The following PCCA variants were observed in gnomAD, a reference collection of about 807,000 sequenced individuals.
PCCA encodes the protein propionyl-CoA carboxylase subunit alpha, also known as propionyl-CoA carboxylase alpha chain, mitochondrial.
In PCCA, 74 loss-of-function variants were observed where a neutral mutation model predicts 101.3. The observed-to-expected ratio is 0.73, with a 90% confidence interval of 0.61 to 0.89. PCCA has a LOEUF of 0.89. PCCA is among the 40% of genes least tolerant of loss of function. PCCA has a pLI of 0.00. For missense variants in PCCA, 891 were observed against 907.0 expected (o/e 0.98, Z 0.23); for synonymous variants, 294 against 313.6 (o/e 0.94, Z 0.66).
chr13:100,293,140 T>C (rs553319414), intron 12 of PCCA: 22 of 448,090 alleles, frequency 4.9e-5, no homozygotes, highest in African/African-American at 4.5e-4. Flanking sequence ...GTCAGTCAGC[T>C]GTCCATATCT....
At chr13:100,462,589 G>A (rs1213965961) in intron 21 of PCCA, among the ~76,000 whole-genome samples, 1 of 152,166 alleles carries the variant, frequency 6.6e-6, no homozygotes, top group African/African-American at 2.4e-5. Flanking sequence ...ACAGTCCATA[G>A]GGCGTAGGTC....
At chr13:100,199,610 A>G (rs953542774) in intron 6 of PCCA, among the ~76,000 whole-genome samples, 5 of 152,206 alleles carry the variant, frequency 3.3e-5, no homozygotes, top group African/African-American at 9.6e-5. Context: ...TGAAGACTAT[A>G]GGAGGCACAT....
intron 20 of PCCA, among the ~76,000 whole-genome samples, chr13:100,443,384 AGTTGCTGTGGAGAGC>A (rs1256984748): frequency 1.3e-5 from 2 of 151,640 alleles, no homozygotes; most frequent in Admixed American, 1.3e-4. Context: ...GAGTCCAGGC[AGTTGCTGTGGAGAGC>A]TGTGACCATG....
chr13:100,423,857 C>G (rs1193943125), intron 19 of PCCA, among the ~76,000 whole-genome samples: 1 of 152,212 alleles, frequency 6.6e-6, no homozygotes, highest in Non-Finnish European at 1.5e-5. Flanking sequence ...GCGGCGCTGG[C>G]ATGGGGAGAA....
At position 100,317,230 on chromosome 13, in the gene PCCA, G is replaced by T. The variant is rs953489726; in HGVS notation, c.1429+7322G>T. ...GGTCTAATACCTTTCATCCCTTCCA[G>T]TCCCTCCCTTAGAGTCTTATTTTTT... is the stretch of plus-strand genomic sequence containing the variant. On this transcript the variant is annotated intron_variant, in intron 16 of 23. Coordinates refer to ENST00000376285, the MANE Select transcript of PCCA (RefSeq NM_000282.4). Among the ~76,000 whole-genome samples, 7 of 151,978 alleles carry T rather than the reference G, an allele frequency of 4.6e-5. No homozygotes were observed. In the South Asian group the frequency reaches 6.2e-4, roughly 14 times the overall value.
chr13:100,178,813 C>T (rs1029413132), intron 6 of PCCA, among the ~76,000 whole-genome samples: 2 of 152,042 alleles, frequency 1.3e-5, no homozygotes, highest in Non-Finnish European at 2.9e-5. Context: ...CGCGGTGGCT[C>T]ATGCCTGTAA....
intron 19 of PCCA, among the ~76,000 whole-genome samples, chr13:100,410,127 G>T (rs546030081): frequency 6.6e-6 from 1 of 152,192 alleles, no homozygotes; most frequent in Non-Finnish European, 1.5e-5. Flanking sequence ...GCTAATTAAT[G>T]TACTATATGG....
chr13:100,231,379 T>C lies in PCCA; in HGVS notation c.601-4463T>C, dbSNP rs1246948624. Among the ~76,000 whole-genome samples, 3 of 152,100 alleles carry C rather than the reference T, an allele frequency of 2.0e-5. No individual in the cohort carries two copies. The East Asian group carries it at 5.8e-4, about 29-fold the overall frequency. ...CAAGGCTGGGGAGCCTGCCTGGGCC[T>C]TGGGCTGCAGGGTAAGATGCAAGAT... On this transcript the variant is annotated intron_variant, in intron 7 of 23. Transcript: ENST00000376285.
At position 100,497,003 on chromosome 13, in the gene PCCA, G is replaced by A. The variant is rs996152745; in HGVS notation, c.1900-18424G>A. Among the ~76,000 whole-genome samples, 40 of 152,200 alleles carry A rather than the reference G, an allele frequency of 2.6e-4. 1 individual carries two copies. The highest frequency in any genetic ancestry group is 2.6e-3 in the Admixed American group (40 of 15,292). On this transcript the variant is annotated intron_variant, in intron 21 of 23. Transcript: ENST00000376285. Reference sequence around the variant, plus strand: ...GGAATCCCAGTATGGCAGTACAAGTGCACTTGTTCTCACGGGAGGCTGGAA... The same window carrying A: ...GGAATCCCAGTATGGCAGTACAAGTACACTTGTTCTCACGGGAGGCTGGAA...
intron 10 of PCCA, among the ~76,000 whole-genome samples, chr13:100,268,111 C>G (rs2063066198): frequency 6.6e-6 from 1 of 152,062 alleles, no homozygotes; most frequent in South Asian, 2.1e-4. Flanking sequence ...GCTTTTGGAG[C>G]ATTTTGGATT....
rs374163536 is a variant in PCCA, at chr13:100,112,105, G to T, written c.300+44G>T. The T allele has an allele frequency of 3.1e-5, 45 of 1,443,742 alleles. No individual in the cohort carries two copies. In the Admixed American group the frequency reaches 6.8e-4, roughly 22 times the overall value. 89.4% of individuals were successfully genotyped at this position (1,443,742 alleles called of 1,614,324 possible). ...TGTTTAAATCAGGACTTAATTTTGG[G>T]TCAAGCAGAAAAAGTGAGACATACA... On this transcript the variant is annotated intron_variant, in intron 4 of 23. Transcript: ENST00000376285.
intron 21 of PCCA, among the ~76,000 whole-genome samples, chr13:100,453,598 G>T (rs1309246879): frequency 6.6e-6 from 1 of 152,112 alleles, no homozygotes; most frequent in African/African-American, 2.4e-5. Flanking sequence ...CTTAGAAAAG[G>T]TCACTTGACT....
chr13:100,458,419 GCGCGCACACACACACACACATACA>G (rs1232911923), intron 21 of PCCA, among the ~76,000 whole-genome samples: 1,810 of 113,446 alleles, frequency 0.016, 62 homozygotes, highest in African/African-American at 0.049. Context: ...CCCCATCTCT[GCGCGCACACACACACACACATACA>G]CACACACACA....
At chr13:100,187,451 A>G (rs1566663036) in intron 6 of PCCA, among the ~76,000 whole-genome samples, 2 of 152,198 alleles carry the variant, frequency 1.3e-5, no homozygotes, top group Non-Finnish European at 2.9e-5. Flanking sequence ...CAAGCTGACC[A>G]CAAGGTGGGG....
chr13:100,182,608 C>T (rs947552790), intron 6 of PCCA, among the ~76,000 whole-genome samples: 2 of 152,128 alleles, frequency 1.3e-5, no homozygotes, highest in Admixed American at 6.5e-5. Context: ...AGCCAGCAGT[C>T]AGTCAGTCTT....
At chr13:100,464,739 ATC>A (rs2082389976) in intron 21 of PCCA, among the ~76,000 whole-genome samples, 1 of 152,352 alleles carries the variant, frequency 6.6e-6, no homozygotes, top group Non-Finnish European at 1.5e-5. Context: ...GCTTAAAAAC[ATC>A]TGTTTCCTTG....
chr13:100,407,650 C>T (rs1466223494), intron 19 of PCCA, among the ~76,000 whole-genome samples: 1 of 152,166 alleles, frequency 6.6e-6, no homozygotes, highest in East Asian at 1.9e-4. Flanking sequence ...TTCATTTCCA[C>T]AATTCTTCCA....
At chr13:100,266,893 G>A (rs2062975061) in intron 10 of PCCA, among the ~76,000 whole-genome samples, 1 of 152,102 alleles carries the variant, frequency 6.6e-6, no homozygotes, top group African/African-American at 2.4e-5. Context: ...CATTCAGTAC[G>A]TGTAAACCTA....
chr13:100,405,477 T>C (rs1335376183), intron 19 of PCCA, among the ~76,000 whole-genome samples: 1 of 152,204 alleles, frequency 6.6e-6, no homozygotes, highest in Non-Finnish European at 1.5e-5. Flanking sequence ...CCAGTCCTCA[T>C]TTTTGTTAAA....
Sources: gnomAD v4.1 joint callset for allele counts (sites outside exome capture counted in the v4.1 genomes callset) on GRCh38, gnomAD v4.1.1 for gene constraint, MANE v1.5 for transcripts, NCBI Gene and HGNC (gene_info 2026-07-23, HGNC 2026-07-21) for gene names.